The following DPP10 variants were observed in gnomAD, a reference collection of about 807,000 sequenced individuals.
DPP10 encodes the protein dipeptidyl peptidase like 10.
Under a neutral mutation model 120.9 loss-of-function variants are expected in DPP10, and 33 were observed. The observed-to-expected ratio is 0.27, with a 90% CI of 0.21 to 0.37. The LOEUF is 0.37. Ranked by LOEUF, DPP10 falls within the 10% of genes least tolerant of loss-of-function variation. The pLI, the probability that DPP10 is intolerant of heterozygous loss-of-function variation, is 1.00. For missense variants in DPP10, 816 were observed against 942.8 expected (o/e 0.87, Z 1.76); for synonymous variants, 337 against 326.1 (o/e 1.03, Z -0.36).
At chr2:114,450,107 A>T (rs1046502129) in intron 1 of DPP10, among the ~76,000 whole-genome samples, 4 of 152,132 alleles carry the variant, frequency 2.6e-5, no homozygotes. Flanking sequence ...ATTGAGGAGG[A>T]ATTGTATCAT....
At chr2:114,841,652 A>C (rs1688167467) in intron 1 of DPP10, among the ~76,000 whole-genome samples, 1 of 152,120 alleles carries the variant, frequency 6.6e-6, no homozygotes, top group South Asian at 2.1e-4. Flanking sequence ...ACTGAAAGAA[A>C]CTTGAAATAC....
intron 1 of DPP10, among the ~76,000 whole-genome samples, chr2:115,165,421 T>C (rs2105006521): frequency 6.6e-6 from 1 of 152,338 alleles, no homozygotes; most frequent in East Asian, 1.9e-4. Flanking sequence ...GCAAATTATA[T>C]GTGTATGTGT....
rs560137113 is a variant in DPP10, at chr2:114,587,394, A to G, written c.60+144556A>G. Among the ~76,000 whole-genome samples, 91 of 151,890 alleles carry G rather than the reference A, an allele frequency of 6.0e-4. 1 individual carries two copies. Among genetic ancestry groups the G allele is most frequent in the South Asian group, 5.6e-3 (27 of 4,810 alleles). On this transcript the variant is annotated intron_variant, in intron 1 of 25. Transcript: ENST00000410059. ...ATTCCTTTATAGCAACACAAAATGGACTAAGGTAGCCATGTAGGTCTTTGA... is the reference window on the plus strand; with the variant it reads ...ATTCCTTTATAGCAACACAAAATGGGCTAAGGTAGCCATGTAGGTCTTTGA...
At chr2:114,971,969 T>G (rs1699428923) in intron 1 of DPP10, among the ~76,000 whole-genome samples, 1 of 152,212 alleles carries the variant, frequency 6.6e-6, no homozygotes, top group Non-Finnish European at 1.5e-5. Context: ...AAACTTGGAT[T>G]CAGTGTGTCA....
chr2:114,523,134 G>A (rs1190255520), intron 1 of DPP10, among the ~76,000 whole-genome samples: 1 of 152,186 alleles, frequency 6.6e-6, no homozygotes, highest in Non-Finnish European at 1.5e-5. Context: ...AGGATGGGGA[G>A]ACGTTAAATG....
chr2:114,631,245 C>T (rs1694900234), intron 1 of DPP10, among the ~76,000 whole-genome samples: 1 of 152,010 alleles, frequency 6.6e-6, no homozygotes, highest in South Asian at 2.1e-4. Context: ...AGGTCATTTG[C>T]CAGCTCGCAA....
intron 5 of DPP10, among the ~76,000 whole-genome samples, chr2:115,604,192 T>C (rs972176084): frequency 3.9e-5 from 6 of 152,078 alleles, no homozygotes; most frequent in African/African-American, 1.4e-4. Context: ...CCTGATTGCA[T>C]GTTTTGTTAA....
chr2:115,104,789 C>T (rs995999280), intron 1 of DPP10, among the ~76,000 whole-genome samples: 2 of 152,096 alleles, frequency 1.3e-5, no homozygotes, highest in East Asian at 1.9e-4. Flanking sequence ...GGGTGGATCA[C>T]GAGGTCAAGA....
At chr2:115,190,536 C>T (rs187255797) in intron 1 of DPP10, among the ~76,000 whole-genome samples, 62 of 152,252 alleles carry the variant, frequency 4.1e-4, no homozygotes, top group African/African-American at 1.4e-3. Context: ...TCACTGCACC[C>T]TGTTAAGTCT....
At chr2:115,730,584 T>C (rs867173428) in intron 8 of DPP10, among the ~76,000 whole-genome samples, 1 of 152,210 alleles carries the variant, frequency 6.6e-6, no homozygotes. Context: ...CGAATTAAGA[T>C]GACTTGGGTC....
At chr2:114,460,201 C>G (rs1678815518) in intron 1 of DPP10, among the ~76,000 whole-genome samples, 2 of 151,780 alleles carry the variant, frequency 1.3e-5, no homozygotes, top group Non-Finnish European at 2.9e-5. Context: ...ATCTATCTAT[C>G]TATCTATCTA....
At chr2:115,260,529 A>G (rs1310661023) in intron 1 of DPP10, among the ~76,000 whole-genome samples, 15 of 152,178 alleles carry the variant, frequency 9.9e-5, no homozygotes, top group Admixed American at 9.8e-4. Flanking sequence ...GCCCTCAAAC[A>G]AAGTAGATTT....
intron 3 of DPP10, among the ~76,000 whole-genome samples, chr2:115,441,393 A>G (rs755012488): frequency 5.3e-4 from 81 of 152,138 alleles, no homozygotes; most frequent in Non-Finnish European, 1.1e-3. Context: ...GAATTTTGTT[A>G]TGTGAAGTTG....
intron 11 of DPP10, among the ~76,000 whole-genome samples, chr2:115,759,395 A>AT (rs899859668): frequency 8.1e-5 from 12 of 149,024 alleles, no homozygotes; most frequent in African/African-American, 3.1e-4. Flanking sequence ...CCATTTCTAT[A>AT]TAAAAAAAAA....
intron 21 of DPP10, among the ~76,000 whole-genome samples, chr2:115,824,945 T>C (rs1400724045): frequency 5.9e-5 from 9 of 152,200 alleles, no homozygotes; most frequent in Non-Finnish European, 1.3e-4. Context: ...CTTCTAAACC[T>C]ATTACATGGA....
At chr2:114,634,086 C>A (rs891906463) in intron 1 of DPP10, among the ~76,000 whole-genome samples, 3 of 151,898 alleles carry the variant, frequency 2.0e-5, no homozygotes, top group Non-Finnish European at 4.4e-5. Context: ...AGAGGTAATA[C>A]TGTCTTCAAC....
chr2:115,523,269 C>T (rs896615247), intron 4 of DPP10, among the ~76,000 whole-genome samples: 12 of 151,820 alleles, frequency 7.9e-5, no homozygotes, highest in Non-Finnish European at 8.8e-5. Flanking sequence ...ACGTTGTTAC[C>T]GGAGGCACAG....
chr2:114,843,865 C>T (rs947196243), intron 1 of DPP10, among the ~76,000 whole-genome samples: 3 of 152,148 alleles, frequency 2.0e-5, no homozygotes, highest in Non-Finnish European at 4.4e-5. Context: ...CTTCCCAAGA[C>T]ATGTTTGTAG....
intron 2 of DPP10, among the ~76,000 whole-genome samples, chr2:115,314,983 G>T (rs1271244944): frequency 1.3e-5 from 2 of 152,078 alleles, no homozygotes; most frequent in Non-Finnish European, 2.9e-5. Context: ...CAGTTTAAAG[G>T]AAGTAGAGCA....
Sources: allele counts gnomAD v4.1 joint callset (sites outside exome capture counted in the v4.1 genomes callset), GRCh38; gene constraint gnomAD v4.1.1; transcripts MANE v1.5; gene names NCBI Gene and HGNC (gene_info 2026-07-23, HGNC 2026-07-21).